The following NSUN6 variants were observed in gnomAD, a reference collection of about 807,000 sequenced individuals.
NSUN6 encodes tRNA (cytosine(72)-C(5))-methyltransferase NSUN6.
Under a neutral mutation model 58.0 loss-of-function variants are expected in NSUN6, and 64 were observed. The observed-to-expected ratio is 1.10, with a 90% confidence interval of 0.90 to 1.36. The LOEUF is 1.36. NSUN6 is among the 40% of genes most tolerant of loss of function. The probability of loss-of-function intolerance (pLI) is 0.00; values close to 1 mark genes in which losing one functional copy is unlikely to be tolerated. For synonymous variants in NSUN6, 231 were observed against 193.9 expected, an observed-to-expected ratio of 1.19 and a Z score of -1.59; for missense variants, 701 against 550.1, an observed-to-expected ratio of 1.27 and a Z score of -2.74.
chr10:18,582,243 G>C (rs189070428), intron 8 of NSUN6, among the ~76,000 whole-genome samples: 1 of 152,164 alleles, frequency 6.6e-6, no homozygotes, highest in African/African-American at 2.4e-5. Context: ...TATTATTTTA[G>C]AAAGACAGTT....
At chr10:18,658,573 G>A (rs985054134), upstream of NSUN6, 3 of 572,794 alleles carry the variant, frequency 5.2e-6, no homozygotes, top group Non-Finnish European at 6.6e-6. Flanking sequence ...TGGGATCCAC[G>A]AACATACCTA....
Position 18,651,323 on chromosome 10 carries a change from C to G in NSUN6, c.-120G>C. The G allele has an allele frequency of 7.1e-7, 1 of 1,410,758 alleles. No homozygotes were observed. Among genetic ancestry groups the G allele is most frequent in the Non-Finnish European group, 9.2e-7 (1 of 1,087,648 alleles). 87.4% of individuals were successfully genotyped at this position (1,410,758 alleles called of 1,614,324 possible). ...ACACCAGATGCTGAGGAAAATCTTG[C>G]CGATCACGCTGAGTTAATTTCGGAA... On this transcript the variant is annotated 5_prime_UTR_variant, in exon 1 of 11. Transcript: ENST00000377304.
chr10:18,630,432 C>T (rs1219432876), intron 3 of NSUN6, among the ~76,000 whole-genome samples: 4 of 151,876 alleles, frequency 2.6e-5, no homozygotes, highest in African/African-American at 7.3e-5. Context: ...AATAGAGACA[C>T]AAAAAATGCT....
intron 5 of NSUN6, among the ~76,000 whole-genome samples, chr10:18,613,209 G>C (rs1190253823): frequency 4.6e-5 from 7 of 152,100 alleles, no homozygotes; most frequent in Admixed American, 2.6e-4. Flanking sequence ...CGATTCTCCT[G>C]CCTCAGCATC....
At chr10:18,557,399 C>CATGGA (rs1432137829) in intron 8 of NSUN6, among the ~76,000 whole-genome samples, 2 of 119,946 alleles carry the variant, frequency 1.7e-5, no homozygotes, top group Non-Finnish European at 3.5e-5. Context: ...TGGAAGGGAG[C>CATGGA]ATGGAATGGA....
chr10:18,564,638 T>C (rs985574418), intron 8 of NSUN6, among the ~76,000 whole-genome samples: 1 of 151,330 alleles, frequency 6.6e-6, no homozygotes, highest in African/African-American at 2.4e-5. Context: ...TCCCTTCCAT[T>C]CCATTCCACA....
At chr10:18,631,207 T>C (rs1803167790) in intron 3 of NSUN6, among the ~76,000 whole-genome samples, 1 of 151,946 alleles carries the variant, frequency 6.6e-6, no homozygotes, top group African/African-American at 2.4e-5. Flanking sequence ...TCAATAACCC[T>C]TCATGCTAAA....
At chr10:18,635,034 T>C (rs1292028441) in intron 3 of NSUN6, among the ~76,000 whole-genome samples, 2 of 152,096 alleles carry the variant, frequency 1.3e-5, no homozygotes, top group South Asian at 2.1e-4. Flanking sequence ...GGTACAAACA[T>C]GTTTATTCGG....
In NSUN6 at chr10:18,546,291, G is replaced by T. The variant is rs983186035; in HGVS notation, c.1198-146C>A. The T allele has an allele frequency of 1.8e-5, 12 of 682,060 alleles. 1 individual carries two copies. The highest frequency in any genetic ancestry group is 6.7e-5 in the South Asian group (4 of 59,964). 42.3% of individuals were successfully genotyped at this position (682,060 alleles called of 1,614,324 possible). A position where few individuals can be genotyped will look rare whatever the true frequency, so the allele number is the denominator to read the frequency against. On this transcript the variant is annotated intron_variant, in intron 10 of 10. Coordinates refer to ENST00000377304, the MANE Select transcript of NSUN6 (RefSeq NM_182543.5). ...TGAGTAAATGCCTTTCATTTTGGTG[G>T]AACATACGTGCTGCTTTCCAGACAG...
rs958211239 is a variant in NSUN6 at position 18,643,185 on chromosome 10, C to T, written c.232-630G>A. On this transcript the variant is annotated intron_variant, in intron 2 of 10. Transcript: ENST00000377304. Reference sequence around the variant, plus strand: ...TGAGTATTTATACCACAGAAATCAACAAACACCACAAATTGGGGTTATTTT... The same window carrying T: ...TGAGTATTTATACCACAGAAATCAATAAACACCACAAATTGGGGTTATTTT... 4.0e-5 allele frequency among the ~76,000 whole-genome samples: 6 copies of T among 151,746 alleles called. No homozygotes were observed. In the East Asian group the frequency reaches 1.2e-3, roughly 30 times the overall value.
intron 8 of NSUN6, among the ~76,000 whole-genome samples, chr10:18,563,008 G>A (rs2055651180): frequency 6.7e-6 from 1 of 148,806 alleles, no homozygotes; most frequent in African/African-American, 2.5e-5. Flanking sequence ...TGTAACAAAT[G>A]GAGAATGGAA....
chr10:18,656,498 C>A (rs546887826), upstream of NSUN6, among the ~76,000 whole-genome samples: 1 of 152,292 alleles, frequency 6.6e-6, no homozygotes, highest in Admixed American at 6.5e-5. Flanking sequence ...GATCACACAA[C>A]TGCACTCCAG....
intron 10 of NSUN6, among the ~76,000 whole-genome samples, chr10:18,547,064 C>T (rs1023825918): frequency 6.6e-6 from 1 of 152,000 alleles, no homozygotes; most frequent in African/African-American, 2.4e-5. Flanking sequence ...CTGACCCATA[C>T]CAGTTGGGCG....
chr10:18,548,014 G>A (rs1015799775), intron 10 of NSUN6, 98 bp downstream of exon 10: 1 of 1,164,394 alleles, frequency 8.6e-7, no homozygotes, highest in African/African-American at 1.5e-5. Flanking sequence ...GTTCACTTTG[G>A]AAGTTTTACT....
chr10:18,564,631 C>G (rs1209609060), intron 8 of NSUN6, among the ~76,000 whole-genome samples: 1 of 149,058 alleles, frequency 6.7e-6, no homozygotes, highest in African/African-American at 2.5e-5. Context: ...CTCACTCTCC[C>G]TTCCATTCCA....
chr10:18,566,283 CCATCCCATTCTATTCCATTCT>C (rs2055934490), intron 8 of NSUN6, among the ~76,000 whole-genome samples: 1 of 133,588 alleles, frequency 7.5e-6, no homozygotes, highest in Non-Finnish European at 1.8e-5. Flanking sequence ...ATTCCATTCT[CCATCCCATTCTATTCCATTCT>C]CCATTCTTTT....
At chr10:18,640,992 G>A (rs992396815) in intron 3 of NSUN6, among the ~76,000 whole-genome samples, 1 of 151,624 alleles carries the variant, frequency 6.6e-6, no homozygotes, top group African/African-American at 2.4e-5. Flanking sequence ...TTTTTTACAT[G>A]TAAATAAATA....
upstream of NSUN6, chr10:18,652,569 C>A: frequency 3.1e-5 from 28 of 898,262 alleles, no homozygotes; most frequent in Non-Finnish European, 3.5e-5. Context: ...TTTCTCTGCT[C>A]TTTTTTTTTT....
intron 8 of NSUN6, among the ~76,000 whole-genome samples, chr10:18,554,670 G>C (rs1217115062): frequency 1.3e-5 from 2 of 151,336 alleles, no homozygotes; most frequent in African/African-American, 2.4e-5. Flanking sequence ...GAATGCAATG[G>C]AGAATGGAAT....
Sources: gnomAD v4.1 joint callset for allele counts (sites outside exome capture counted in the v4.1 genomes callset) on GRCh38, gnomAD v4.1.1 for gene constraint, MANE v1.5 for transcripts, NCBI Gene and HGNC (gene_info 2026-07-23, HGNC 2026-07-21) for gene names.